DSCAML1: variants seen among roughly 807,000 people sequenced by gnomAD.
DSCAML1 encodes the protein cell adhesion molecule DSCAML1.
Under a neutral mutation model 200.5 loss-of-function variants are expected in DSCAML1, and 38 were observed. That is an observed-to-expected ratio of 0.19 (90% CI 0.15 to 0.25). The LOEUF is 0.25. DSCAML1 is among the 10% of genes least tolerant of loss of function. The pLI is 1.00. For missense variants in DSCAML1, 2,223 were observed against 2,858.8 expected (o/e 0.78, Z 5.07); for synonymous variants, 1,215 against 1,165.0 (o/e 1.04, Z -0.87).
At chr11:117,648,861 G>A (rs1436397505) in intron 3 of DSCAML1, among the ~76,000 whole-genome samples, 1 of 152,124 alleles carries the variant, frequency 6.6e-6, no homozygotes, top group Admixed American at 6.5e-5. Flanking sequence ...TGCTTCCTGG[G>A]AAGGCAAGTG....
chr11:117,738,294 T>C (rs951585190), intron 3 of DSCAML1, among the ~76,000 whole-genome samples: 27 of 152,138 alleles, frequency 1.8e-4, no homozygotes, highest in African/African-American at 6.5e-4. Context: ...ATCCACCCAG[T>C]TTTCCACACA....
intron 3 of DSCAML1, among the ~76,000 whole-genome samples, chr11:117,556,331 G>A (rs938376700): frequency 5.3e-5 from 8 of 152,122 alleles, no homozygotes; most frequent in South Asian, 2.1e-4. Context: ...TTTGAATGCC[G>A]GGGCAAGGGG....
At chr11:117,449,350 AGTGGCCGT>A (rs1850178775) in intron 20 of DSCAML1, among the ~76,000 whole-genome samples, 1 of 152,066 alleles carries the variant, frequency 6.6e-6, no homozygotes, top group Non-Finnish European at 1.5e-5. Context: ...CATGTGAGGT[AGTGGCCGT>A]GAGGATGGAG....
At chr11:117,764,402 A>C (rs1398027552) in intron 3 of DSCAML1, among the ~76,000 whole-genome samples, 1 of 152,226 alleles carries the variant, frequency 6.6e-6, no homozygotes, top group Admixed American at 6.5e-5. Flanking sequence ...AATTAAAATC[A>C]GTTTCTTTGG....
At chr11:117,629,930 G>A (rs2052135553) in intron 3 of DSCAML1, among the ~76,000 whole-genome samples, 1 of 152,214 alleles carries the variant, frequency 6.6e-6, no homozygotes, top group Non-Finnish European at 1.5e-5. Flanking sequence ...GAGACTGCTT[G>A]AGCCCTGGAG....
At chr11:117,523,236 C>T (rs2049913501) in intron 5 of DSCAML1, among the ~76,000 whole-genome samples, 1 of 152,040 alleles carries the variant, frequency 6.6e-6, no homozygotes. Flanking sequence ...GCTAATTTTC[C>T]AAGGATTTGA....
At chr11:117,726,181 AG>A (rs1383141594) in intron 3 of DSCAML1, among the ~76,000 whole-genome samples, 1 of 152,110 alleles carries the variant, frequency 6.6e-6, no homozygotes, top group Non-Finnish European at 1.5e-5. Flanking sequence ...TTTGAGCCTC[AG>A]TTTCCTCATC....
chr11:117,709,716 A>G (rs1256725778), intron 3 of DSCAML1: 1 of 455,100 alleles, frequency 2.2e-6, no homozygotes, highest in Admixed American at 2.3e-5. Flanking sequence ...CTAAGGCTTC[A>G]TCAGGGGAAG....
chr11:117,502,079 G>A (rs1487358188), intron 11 of DSCAML1, among the ~76,000 whole-genome samples: 1 of 152,184 alleles, frequency 6.6e-6, no homozygotes, highest in Non-Finnish European at 1.5e-5. Context: ...ACCCCTCAGA[G>A]CACTTTGCAG....
intron 3 of DSCAML1, among the ~76,000 whole-genome samples, chr11:117,635,139 G>C (rs939746846): frequency 1.2e-4 from 18 of 152,190 alleles, no homozygotes; most frequent in African/African-American, 4.3e-4. Flanking sequence ...GCTCTCAAAT[G>C]CATAACCCCA....
chr11:117,776,615 C>T (rs141268074), intron 3 of DSCAML1, among the ~76,000 whole-genome samples, 176 bp downstream of exon 3: 1 of 151,874 alleles, frequency 6.6e-6, no homozygotes, highest in Non-Finnish European at 1.5e-5. Flanking sequence ...ACGTGCCAGA[C>T]CAAGACCAAA....
intron 3 of DSCAML1, among the ~76,000 whole-genome samples, chr11:117,565,004 G>C (rs528615130): frequency 6.6e-6 from 1 of 152,226 alleles, no homozygotes; most frequent in South Asian, 2.1e-4. Context: ...GACCTCAGGT[G>C]ATCTGCCCAC....
intron 8 of DSCAML1, among the ~76,000 whole-genome samples, chr11:117,512,780 CA>C (rs1369978152): frequency 2.0e-5 from 3 of 148,982 alleles, no homozygotes; most frequent in Non-Finnish European, 4.5e-5. Context: ...CACACACACA[CA>C]CACACACACA....
intron 16 of DSCAML1, 94 bp from the exon 17 acceptor site, chr11:117,465,276 C>T (rs1650122783): frequency 5.3e-6 from 8 of 1,518,392 alleles, no homozygotes; most frequent in Non-Finnish European, 7.1e-6. Context: ...CTCCTCTGCC[C>T]CAGCCCTTCA....
chr11:117,487,247 A>G (rs531441697), intron 11 of DSCAML1, among the ~76,000 whole-genome samples: 12 of 152,186 alleles, frequency 7.9e-5, no homozygotes, highest in East Asian at 3.9e-4. Context: ...TATATTGACT[A>G]TCTGTTAATA....
chr11:117,632,464 C>T (rs892377307), intron 3 of DSCAML1, among the ~76,000 whole-genome samples: 11 of 152,158 alleles, frequency 7.2e-5, no homozygotes, highest in African/African-American at 2.4e-4. Context: ...AAACTTTGCT[C>T]ATATGATGAG....
At chr11:117,694,517 T>C (rs1377947810) in intron 3 of DSCAML1, among the ~76,000 whole-genome samples, 1 of 152,180 alleles carries the variant, frequency 6.6e-6, no homozygotes, top group African/African-American at 2.4e-5. Context: ...CAATGTGCTA[T>C]GCCCCCAGAC....
intron 3 of DSCAML1, among the ~76,000 whole-genome samples, chr11:117,585,585 T>C (rs896742382): frequency 2.0e-5 from 3 of 152,188 alleles, no homozygotes; most frequent in Non-Finnish European, 4.4e-5. Context: ...TTCCTACAAA[T>C]ATATCTGTAA....
At chr11:117,525,961 C>A (rs1176590416) in intron 4 of DSCAML1, among the ~76,000 whole-genome samples, 2 of 152,192 alleles carry the variant, frequency 1.3e-5, no homozygotes, top group Non-Finnish European at 2.9e-5. Context: ...GATTCAGAAG[C>A]CCCACCACAG....
Sources: gnomAD v4.1 joint callset for allele counts (sites outside exome capture counted in the v4.1 genomes callset) on GRCh38, gnomAD v4.1.1 for gene constraint, MANE v1.5 for transcripts, NCBI Gene and HGNC (gene_info 2026-07-23, HGNC 2026-07-21) for gene names.